Variants in RBFOX1 observed in about 807,000 individuals in gnomAD.
The protein encoded by RBFOX1 is RNA binding protein fox-1 homolog 1.
RBFOX1 carries 8 observed loss-of-function variants against 57.7 expected under a neutral mutation model. The observed-to-expected ratio is 0.14, with a 90% CI of 0.08 to 0.25. The LOEUF is 0.25. Among genes scored for constraint, RBFOX1 ranks in the 10% least tolerant of loss-of-function variants. The pLI, the probability that RBFOX1 is intolerant of heterozygous loss-of-function variation, is 1.00. For synonymous variants in RBFOX1, 326 were observed against 222.4 expected, an observed-to-expected ratio of 1.47 and a Z score of -4.15; for missense variants, 611 against 548.5, an observed-to-expected ratio of 1.11 and a Z score of -1.14.
At chr16:7,460,279 G>A (rs1356763645) in intron 4 of RBFOX1, among the ~76,000 whole-genome samples, 5 of 149,790 alleles carry the variant, frequency 3.3e-5, no homozygotes, top group African/African-American at 4.9e-5. Flanking sequence ...TCCTTTTTAG[G>A]AAAATCTCCC....
At chr16:5,427,258 G>C (rs1039013762) in intron 1 of RBFOX1, among the ~76,000 whole-genome samples, 1 of 152,164 alleles carries the variant, frequency 6.6e-6, no homozygotes, top group African/African-American at 2.4e-5. Flanking sequence ...TTAAGGAATT[G>C]GCTCATGCAG....
chr16:5,983,011 G>T (rs540073171), intron 4 of RBFOX1, among the ~76,000 whole-genome samples: 159 of 152,300 alleles, frequency 1.0e-3, no homozygotes, highest in Non-Finnish European at 1.7e-3. Context: ...CCTCTGTCAG[G>T]TAAGAGGGTC....
At chr16:6,870,199 C>G (rs1013112516) in intron 3 of RBFOX1, among the ~76,000 whole-genome samples, 2 of 152,014 alleles carry the variant, frequency 1.3e-5, no homozygotes, top group African/African-American at 2.4e-5. Flanking sequence ...CTTATTTCAT[C>G]TAGAATTTTG....
At chr16:6,510,427 G>A (rs754092925) in intron 2 of RBFOX1, among the ~76,000 whole-genome samples, 1 of 152,284 alleles carries the variant, frequency 6.6e-6, no homozygotes, top group South Asian at 2.1e-4. Context: ...CTGAGTCCCT[G>A]ACCTGGCTAA....
chr16:5,959,253 C>T (rs528952034), intron 4 of RBFOX1, among the ~76,000 whole-genome samples: 1 of 152,342 alleles, frequency 6.6e-6, no homozygotes, highest in Admixed American at 6.5e-5. Context: ...TGCATAGCCA[C>T]CTCTTGCCTT....
At chr16:6,086,581 C>A (rs2096087741) in intron 1 of RBFOX1, among the ~76,000 whole-genome samples, 1 of 152,118 alleles carries the variant, frequency 6.6e-6, no homozygotes, top group South Asian at 2.1e-4. Context: ...AAATGGAGCC[C>A]AAGTCTATAC....
chr16:7,564,621 G>A (rs78203807), intron 5 of RBFOX1, among the ~76,000 whole-genome samples: 3,866 of 150,412 alleles, frequency 0.026, 181 homozygotes, highest in African/African-American at 0.091. Flanking sequence ...TGAGTTGGCT[G>A]GCACTTTGAT....
chr16:6,807,660 A>T (rs2087199673), intron 3 of RBFOX1, among the ~76,000 whole-genome samples: 1 of 152,026 alleles, frequency 6.6e-6, no homozygotes, highest in Non-Finnish European at 1.5e-5. Flanking sequence ...CACTAAAAAT[A>T]AAAAATTTGG....
At chr16:7,112,417 T>C (rs1167304206) in intron 4 of RBFOX1, among the ~76,000 whole-genome samples, 2 of 151,100 alleles carry the variant, frequency 1.3e-5, no homozygotes, top group Non-Finnish European at 3.0e-5. Context: ...TTCGCCATGT[T>C]GGCCAGGCTG....
At chr16:6,571,666 G>A (rs1450625636) in intron 2 of RBFOX1, among the ~76,000 whole-genome samples, 1 of 152,086 alleles carries the variant, frequency 6.6e-6, no homozygotes, top group African/African-American at 2.4e-5. Context: ...GCCTGCTGAA[G>A]GCATGCCTCC....
At chr16:6,131,414 C>G (rs540260745) in intron 1 of RBFOX1, among the ~76,000 whole-genome samples, 2 of 151,936 alleles carry the variant, frequency 1.3e-5, no homozygotes, top group African/African-American at 4.8e-5. Flanking sequence ...GCAGAAAAAA[C>G]CTAAAATATT....
At chr16:6,179,097 G>T (rs994231569) in intron 1 of RBFOX1, among the ~76,000 whole-genome samples, 1 of 152,268 alleles carries the variant, frequency 6.6e-6, no homozygotes, top group South Asian at 2.1e-4. Flanking sequence ...CTTACCACAG[G>T]GAGGGTGGAT....
At chr16:6,390,594 A>C (rs1212841277) in intron 2 of RBFOX1, among the ~76,000 whole-genome samples, 3 of 152,188 alleles carry the variant, frequency 2.0e-5, no homozygotes, top group Non-Finnish European at 4.4e-5. Flanking sequence ...GATAGTTATG[A>C]TTTAAATTAA....
chr16:7,383,546 T>C (rs2097822008), intron 4 of RBFOX1, among the ~76,000 whole-genome samples: 1 of 152,124 alleles, frequency 6.6e-6, no homozygotes, highest in Non-Finnish European at 1.5e-5. Flanking sequence ...CATCAGGAAA[T>C]ACTTTCCTGA....
chr16:6,741,217 A>T (rs561523769), intron 3 of RBFOX1, among the ~76,000 whole-genome samples: 48 of 152,352 alleles, frequency 3.2e-4, no homozygotes, highest in South Asian at 1.2e-3. Context: ...TTCACATCTC[A>T]TAAAAATTAG....
At position 5,618,331 on chromosome 16, in the gene RBFOX1, T is replaced by A. The variant is rs1329702957; in HGVS notation, c.318+19370T>A. On this transcript the variant is annotated intron_variant, in intron 3 of 19. Transcript: ENST00000641259. ...TCATATACAGGAGATGGCTGCAGAT[T>A]TTTTTTTTTTGTGTGTGTGTGTGTG... Among the ~76,000 whole-genome samples, 8 of 7,912 alleles carry A rather than the reference T, an allele frequency of 1.0e-3. No homozygotes were observed. In the East Asian group the frequency reaches 0.44, roughly 440 times the overall value. 5.2% of individuals were successfully genotyped at this position (7,912 alleles called of 152,430 possible).
At chr16:7,535,144 C>A (rs916994568) in intron 5 of RBFOX1, among the ~76,000 whole-genome samples, 4 of 152,176 alleles carry the variant, frequency 2.6e-5, no homozygotes, top group African/African-American at 9.7e-5. Flanking sequence ...TATGAAATCT[C>A]CTTAAATGTG....
At chr16:6,688,228 A>C (rs1603421293) in intron 3 of RBFOX1, among the ~76,000 whole-genome samples, 1 of 151,826 alleles carries the variant, frequency 6.6e-6, no homozygotes, top group Non-Finnish European at 1.5e-5. Context: ...CTAGAGCAGG[A>C]GGAAGAGAGA....
chr16:6,260,040 T>C (rs1394538940), intron 1 of RBFOX1, among the ~76,000 whole-genome samples: 1 of 152,042 alleles, frequency 6.6e-6, no homozygotes, highest in Non-Finnish European at 1.5e-5. Context: ...AAACAATTCC[T>C]TTATCTTCGT....
Sources: allele counts gnomAD v4.1 joint callset (sites outside exome capture counted in the v4.1 genomes callset), GRCh38; gene constraint gnomAD v4.1.1; transcripts MANE v1.5; gene names NCBI Gene and HGNC (gene_info 2026-07-23, HGNC 2026-07-21).